Variants in DST observed in about 807,000 individuals in gnomAD.
DST encodes the protein bullous pemphigoid antigen.
A neutral mutation model predicts 875.2 loss-of-function variants in DST; 253 were observed. The ratio of observed to expected loss-of-function variants is 0.29; its 90% confidence interval spans 0.26 to 0.32. The LOEUF (loss-of-function observed/expected upper bound fraction) is 0.32, where lower values mean the gene tolerates loss of function less well. Ranked by LOEUF, DST falls within the 10% of genes least tolerant of loss-of-function variation. The pLI, the probability that DST is intolerant of heterozygous loss-of-function variation, is 1.00. For synonymous variants in DST, 3,124 were observed against 3,197.1 expected (o/e 0.98, Z 0.77); for missense variants, 8,287 against 9,111.6 (o/e 0.91, Z 3.68).
intron 4 of DST, among the ~76,000 whole-genome samples, chr6:56,810,684 G>A (rs1420991273): frequency 6.6e-6 from 1 of 151,292 alleles, no homozygotes; most frequent in African/African-American, 2.4e-5. Flanking sequence ...AAATTAAAAG[G>A]CAAATGATTT....
At chr6:56,644,769 G>A (rs568338091) in intron 15 of DST, among the ~76,000 whole-genome samples, 1 of 152,208 alleles carries the variant, frequency 6.6e-6, no homozygotes, top group South Asian at 2.1e-4. Flanking sequence ...ACTGTGCAGA[G>A]AGCAAGGGGG....
At chr6:56,793,107 G>A (rs1017544711) in intron 4 of DST, among the ~76,000 whole-genome samples, 1 of 144,240 alleles carries the variant, frequency 6.9e-6, no homozygotes, top group Non-Finnish European at 1.5e-5. Context: ...AAAGCAAAAG[G>A]TTAGGAGAGG....
chr6:56,614,800 T>C, intron 36 of DST: 2 of 1,015,048 alleles, frequency 2.0e-6, no homozygotes, highest in Non-Finnish European at 2.4e-6. Flanking sequence ...AATTGCTGCC[T>C]TTGCATTAGC....
intron 10 of DST, among the ~76,000 whole-genome samples, chr6:56,658,544 T>C (rs1194469566): frequency 6.6e-6 from 1 of 152,200 alleles, no homozygotes; most frequent in Non-Finnish European, 1.5e-5. Flanking sequence ...TGAAAGTAGT[T>C]GTGAAACTTA....
At chr6:56,851,173 G>T (rs923289725) in intron 4 of DST, 1 of 545,910 alleles carries the variant, frequency 1.8e-6, no homozygotes, top group African/African-American at 1.9e-5. Flanking sequence ...GAATCGATTC[G>T]TCCAACCAGA....
intron 4 of DST, among the ~76,000 whole-genome samples, chr6:56,844,733 C>A (rs868014266): frequency 6.6e-6 from 1 of 152,010 alleles, no homozygotes; most frequent in African/African-American, 2.4e-5. Flanking sequence ...TTTAGCCGGG[C>A]GTGGTGGCGG....
intron 4 of DST, among the ~76,000 whole-genome samples, chr6:56,823,902 G>GA (rs1442614038): frequency 6.6e-6 from 1 of 152,204 alleles, no homozygotes; most frequent in Non-Finnish European, 1.5e-5. Flanking sequence ...AACCTTTTTA[G>GA]AAAAAATAAT....
intron 3 of DST, among the ~76,000 whole-genome samples, chr6:56,892,384 C>T (rs1289868087): frequency 6.7e-6 from 1 of 149,404 alleles, no homozygotes; most frequent in Non-Finnish European, 1.5e-5. Context: ...AGTACAGCAG[C>T]ATGATCATGG....
At chr6:56,784,099 T>C (rs2099700061) in intron 4 of DST, among the ~76,000 whole-genome samples, 1 of 152,234 alleles carries the variant, frequency 6.6e-6, no homozygotes, top group Non-Finnish European at 1.5e-5. Context: ...GATCTGCTGT[T>C]AGTCTGATGA....
intron 2 of DST, among the ~76,000 whole-genome samples, chr6:56,919,806 G>A (rs1046285197): frequency 6.6e-6 from 1 of 152,096 alleles, no homozygotes; most frequent in African/African-American, 2.4e-5. Flanking sequence ...AATTAGCCAG[G>A]CATTTTGGCA....
intron 10 of DST, among the ~76,000 whole-genome samples, chr6:56,669,229 G>A (rs1490997873): frequency 2.1e-5 from 3 of 145,862 alleles, no homozygotes; most frequent in African/African-American, 7.6e-5. Context: ...ATTTAATGAT[G>A]TCATAGCTTT....
intron 4 of DST, among the ~76,000 whole-genome samples, chr6:56,842,784 G>T (rs1400652217): frequency 2.0e-5 from 3 of 152,236 alleles, no homozygotes; most frequent in South Asian, 2.1e-4. Context: ...GCTTTTACAA[G>T]GGAGAGAAAA....
chr6:56,726,070 C>T (rs987412441), intron 5 of DST, among the ~76,000 whole-genome samples: 6 of 152,152 alleles, frequency 3.9e-5, no homozygotes, highest in Admixed American at 6.5e-5. Flanking sequence ...TTTGGAAATA[C>T]GCAATAGCCT....
intron 4 of DST, among the ~76,000 whole-genome samples, chr6:56,780,871 A>G (rs1440656979): frequency 6.6e-6 from 1 of 152,132 alleles, no homozygotes; most frequent in Non-Finnish European, 1.5e-5. Context: ...TCTAACGTTT[A>G]AGTCTTTAAT....
chr6:56,894,679 C>T (rs1789986997), intron 3 of DST, among the ~76,000 whole-genome samples: 3 of 60,376 alleles, frequency 5.0e-5, no homozygotes, highest in South Asian at 5.2e-4. Context: ...ACCTCCCTCC[C>T]GGACGGGGCG....
At chr6:56,651,064 C>G in intron 11 of DST, 32 bp from the exon 12 acceptor site, 1 of 1,588,076 alleles carries the variant, frequency 6.3e-7, no homozygotes, top group Non-Finnish European at 8.6e-7. Context: ...AATTATTTCA[C>G]AATGTTGATA....
At chr6:56,951,969 ATTTT>A (rs564845376) in intron 2 of DST, among the ~76,000 whole-genome samples, 1 of 150,444 alleles carries the variant, frequency 6.6e-6, no homozygotes, top group Admixed American at 6.6e-5. Flanking sequence ...CCACTAGGAG[ATTTT>A]TTTTTTCATT....
chr6:56,582,602 T>C (rs1295048174), intron 49 of DST, among the ~76,000 whole-genome samples: 1 of 132,362 alleles, frequency 7.6e-6, no homozygotes, highest in Non-Finnish European at 1.5e-5. Context: ...ATTTCTTTTC[T>C]TTTTTTTTTT....
intron 69 of DST, among the ~76,000 whole-genome samples, chr6:56,520,898 C>T (rs945625603): frequency 6.6e-6 from 1 of 151,822 alleles, no homozygotes; most frequent in African/African-American, 2.4e-5. Flanking sequence ...ACTTCATAAA[C>T]GTGGGGTATA....
Sources: gnomAD v4.1 joint callset for allele counts (sites outside exome capture counted in the v4.1 genomes callset) on GRCh38, gnomAD v4.1.1 for gene constraint, MANE v1.5 for transcripts, NCBI Gene and HGNC (gene_info 2026-07-23, HGNC 2026-07-21) for gene names.